The following LRRC38 variants were observed in gnomAD, a reference collection of about 807,000 sequenced individuals.
LRRC38 encodes leucine-rich repeat-containing protein 38.
Under a neutral mutation model 16.4 loss-of-function variants are expected in LRRC38, and 5 were observed. That is an observed-to-expected ratio of 0.31 (90% CI 0.16 to 0.64). LRRC38 has a LOEUF of 0.64. Ranked by LOEUF, LRRC38 falls within the 30% of genes least tolerant of loss-of-function variation. The pLI is 0.80. For synonymous variants in LRRC38, 191 were observed against 190.2 expected, an observed-to-expected ratio of 1.00 and a Z score of -0.04; for missense variants, 341 against 401.8, an observed-to-expected ratio of 0.85 and a Z score of 1.29.
At chr1:13,488,105 G>T (rs1020534852) in intron 1 of LRRC38, among the ~76,000 whole-genome samples, 5 of 149,042 alleles carry the variant, frequency 3.4e-5, no homozygotes, top group African/African-American at 1.2e-4. Context: ...CCACTCTGTC[G>T]GATAACCATA....
chr1:13,491,753 G>A (rs1639015230), intron 1 of LRRC38, among the ~76,000 whole-genome samples: 1 of 151,976 alleles, frequency 6.6e-6, no homozygotes, highest in Non-Finnish European at 1.5e-5. Context: ...TCGGCTCACT[G>A]CAACCTCTGC....
chr1:13,491,089 C>A (rs1037218395), intron 1 of LRRC38, among the ~76,000 whole-genome samples: 1 of 152,236 alleles, frequency 6.6e-6, no homozygotes, highest in Non-Finnish European at 1.5e-5. Context: ...GGCAATGGTT[C>A]TCCGCTGGGG....
At chr1:13,494,489 T>A (rs1478295536) in intron 1 of LRRC38, among the ~76,000 whole-genome samples, 1 of 151,960 alleles carries the variant, frequency 6.6e-6, no homozygotes, top group African/African-American at 2.4e-5. Context: ...CATGATAGAC[T>A]TGTGAATATT....
chr1:13,478,772 G>T (rs1386021670), intron 1 of LRRC38, among the ~76,000 whole-genome samples: 1 of 152,160 alleles, frequency 6.6e-6, no homozygotes, highest in Non-Finnish European at 1.5e-5. Flanking sequence ...GGGGGGGTTT[G>T]TGTGTCTTTT....
In LRRC38 at chr1:13,475,719, A is replaced by G; in HGVS notation, c.*127T>C. On this transcript the variant is annotated 3_prime_UTR_variant, in exon 2 of 2. Transcript: ENST00000376085. This position sits in a 1 kb window ranked among gnomAD's most constrained non-coding sequence, Gnocchi z 4.3. ...AGCAGGTGTACCCAGGGGCCAAGAC[A>G]CGGAACAGGCTCTGTTCAGTTCACA... 2 of 1,267,382 alleles carry G rather than the reference A, an allele frequency of 1.6e-6. No homozygotes were observed. Among genetic ancestry groups the G allele is most frequent in the Non-Finnish European group, 2.1e-6 (2 of 935,322 alleles). The allele number at this position is 1,267,382 out of a possible 1,614,324, so 78.5% of individuals were successfully genotyped here.
intron 1 of LRRC38, among the ~76,000 whole-genome samples, chr1:13,509,808 A>G (rs1401359966): frequency 6.6e-6 from 1 of 152,240 alleles, no homozygotes; most frequent in African/African-American, 2.4e-5. Flanking sequence ...CACAGAGGAC[A>G]GGCAACTTAT....
rs1216696095 is a variant in LRRC38, at chr1:13,475,766, AT to A, written c.*79del. On this transcript the variant is annotated 3_prime_UTR_variant, in exon 2 of 2. Coordinates refer to ENST00000376085, the MANE Select transcript of LRRC38 (RefSeq NM_001010847.2). This position sits in a 1 kb window ranked among gnomAD's most constrained non-coding sequence, Gnocchi z 4.3. ...CACAGATGGTGGCCAGTGCTTTTCC[AT>A]TTTCAGCATTTCCCTCTCGTCTTGG... 4 of 1,499,924 alleles carry A rather than the reference AT, an allele frequency of 2.7e-6. No homozygotes were observed. The highest frequency in any genetic ancestry group is 2.7e-6 in the Non-Finnish European group (3 of 1,120,314). 92.9% of individuals were successfully genotyped at this position (1,499,924 alleles called of 1,614,324 possible).
intron 1 of LRRC38, among the ~76,000 whole-genome samples, chr1:13,495,844 T>C (rs1394123316): frequency 1.3e-5 from 2 of 152,154 alleles, no homozygotes; most frequent in African/African-American, 4.8e-5. Flanking sequence ...GCCCATCTTC[T>C]GAGGTCAGAA....
At chr1:13,499,042 G>A (rs1010231344) in intron 1 of LRRC38, among the ~76,000 whole-genome samples, 4 of 152,082 alleles carry the variant, frequency 2.6e-5, no homozygotes, top group African/African-American at 9.7e-5. Context: ...TTTTTATAAG[G>A]ACACCAGTCA....
intron 1 of LRRC38, among the ~76,000 whole-genome samples, chr1:13,512,096 G>A (rs1230415629): frequency 6.6e-6 from 1 of 152,174 alleles, no homozygotes; most frequent in African/African-American, 2.4e-5. Context: ...GGGCACTGGT[G>A]CTCACAGGGT....
intron 1 of LRRC38, among the ~76,000 whole-genome samples, chr1:13,492,859 C>T (rs917731231): frequency 6.6e-6 from 1 of 152,272 alleles, no homozygotes; most frequent in Non-Finnish European, 1.5e-5. Flanking sequence ...ACAGCATTCA[C>T]GATTCTATTA....
At chr1:13,478,519 A>G (rs1638813495) in intron 1 of LRRC38, among the ~76,000 whole-genome samples, 1 of 152,190 alleles carries the variant, frequency 6.6e-6, no homozygotes, top group South Asian at 2.1e-4. Context: ...AGATGCAAGG[A>G]CACCATTTTG....
At chr1:13,489,647 C>G (rs2100501454) in intron 1 of LRRC38, among the ~76,000 whole-genome samples, 1 of 152,228 alleles carries the variant, frequency 6.6e-6, no homozygotes, top group East Asian at 1.9e-4. Context: ...GAGAAATGTT[C>G]TTCGTAAGGA....
intron 1 of LRRC38, among the ~76,000 whole-genome samples, chr1:13,509,958 C>T (rs757490698): frequency 6.6e-6 from 1 of 152,114 alleles, no homozygotes; most frequent in Non-Finnish European, 1.5e-5. Context: ...CTCATTCAGT[C>T]GTAGATCTGG....
Position 13,513,352 on chromosome 1 carries a change from T to C in LRRC38, c.242A>G (p.Asp81Gly), listed in dbSNP as rs1639298849. The part of the protein sequence containing the change: ...IPEDFFIFYG[D>G]LVYLDFRNNS... ...GTTCCTGAAGTCCAGGTAGACCAGGTCGCCGTAGAAGATGAAGAAGTCCTC... is the reference window on the plus strand; with the variant it reads ...GTTCCTGAAGTCCAGGTAGACCAGGCCGCCGTAGAAGATGAAGAAGTCCTC... Residue 81 changes from aspartate (D) to glycine (G), a missense_variant, in exon 1 of 2, where the codon GAC becomes GGC. By Grantham distance (94) the Asp-to-Gly change is moderately conservative. Transcript: ENST00000376085. 6.4e-7 allele frequency: 1 copy of C among 1,550,774 alleles called. No individual in the cohort carries two copies. The highest frequency in any genetic ancestry group is 2.4e-5 in the East Asian group (1 of 40,872).
intron 1 of LRRC38, among the ~76,000 whole-genome samples, chr1:13,478,130 A>G (rs577783415): frequency 6.6e-6 from 1 of 152,342 alleles, no homozygotes; most frequent in African/African-American, 2.4e-5. Context: ...AATTCAAATG[A>G]CGACCATGAT....
intron 1 of LRRC38, among the ~76,000 whole-genome samples, chr1:13,507,832 A>AAAAC (rs954003228): frequency 5.3e-5 from 8 of 151,914 alleles, no homozygotes; most frequent in Non-Finnish European, 1.0e-4. Context: ...ACTCCATCTC[A>AAAAC]AAACAAACAA....
intron 1 of LRRC38, among the ~76,000 whole-genome samples, chr1:13,508,547 T>C (rs1440162815): frequency 6.6e-6 from 1 of 152,258 alleles, no homozygotes; most frequent in Admixed American, 6.5e-5. Context: ...TCTGTTTACA[T>C]ATATGTAAGA....
At chr1:13,492,635 G>A (rs1639027651) in intron 1 of LRRC38, among the ~76,000 whole-genome samples, 2 of 152,078 alleles carry the variant, frequency 1.3e-5, no homozygotes, top group Admixed American at 1.3e-4. Flanking sequence ...CTGGGAGATG[G>A]AGGTTACAGT....
Sources: allele counts gnomAD v4.1 joint callset (sites outside exome capture counted in the v4.1 genomes callset), GRCh38; gene constraint gnomAD v4.1.1; non-coding constraint Gnocchi (gnomAD v3.1); transcripts MANE v1.5; gene names NCBI Gene and HGNC (gene_info 2026-07-23, HGNC 2026-07-21).